TIAM1: variants seen among roughly 807,000 people sequenced by gnomAD.
The protein encoded by TIAM1 is TIAM Rac1 associated GEF 1.
In TIAM1, 65 loss-of-function variants were observed where a neutral mutation model predicts 163.5. That is an observed-to-expected ratio of 0.40 (90% CI 0.33 to 0.49). The LOEUF is 0.49. Among genes scored for constraint, TIAM1 ranks in the 20% least tolerant of loss-of-function variants. The pLI is 0.77. For missense variants in TIAM1, 1,789 were observed against 2,044.7 expected, an observed-to-expected ratio of 0.87 and a Z score of 2.41; for synonymous variants, 833 against 810.1, an observed-to-expected ratio of 1.03 and a Z score of -0.48.
chr21:31,198,645 T>C (rs890056426), intron 12 of TIAM1, among the ~76,000 whole-genome samples: 5 of 152,354 alleles, frequency 3.3e-5, no homozygotes, highest in Admixed American at 1.3e-4. Flanking sequence ...TTACTTTTAT[T>C]TTTTAAAACT....
chr21:31,362,559 C>T (rs574510287), intron 2 of TIAM1, among the ~76,000 whole-genome samples: 3 of 151,816 alleles, frequency 2.0e-5, no homozygotes, highest in East Asian at 3.9e-4. Context: ...ATCTAGCTCC[C>T]GGGTTCAAGC....
intron 16 of TIAM1, chr21:31,160,770 G>T: frequency 2.8e-6 from 1 of 352,210 alleles, no homozygotes; most frequent in Non-Finnish European, 5.1e-6. Flanking sequence ...GTGCCCTCTG[G>T]GAAGCTGTCA....
chr21:31,159,016 C>G (rs1024734098), intron 16 of TIAM1, among the ~76,000 whole-genome samples: 1 of 152,072 alleles, frequency 6.6e-6, no homozygotes, highest in Non-Finnish European at 1.5e-5. Context: ...AGCCAAGTAT[C>G]CTGGATGTGG....
intron 8 of TIAM1, among the ~76,000 whole-genome samples, chr21:31,221,936 A>C (rs2087586244): frequency 6.6e-6 from 1 of 152,214 alleles, no homozygotes; most frequent in Non-Finnish European, 1.5e-5. Flanking sequence ...AAGTTTATTC[A>C]ACACAGCACT....
chr21:31,485,028 T>C (rs573762272), intron 1 of TIAM1, among the ~76,000 whole-genome samples: 1 of 152,342 alleles, frequency 6.6e-6, no homozygotes, highest in South Asian at 2.1e-4. Flanking sequence ...TGCCAGTGCC[T>C]TGATCTTGGA....
chr21:31,514,355 C>T (rs1364504643), intron 1 of TIAM1, among the ~76,000 whole-genome samples: 1 of 151,986 alleles, frequency 6.6e-6, no homozygotes, highest in Non-Finnish European at 1.5e-5. Flanking sequence ...CCACCAATTG[C>T]TCAGGGCCAG....
At chr21:31,525,277 G>A (rs1712236340) in intron 1 of TIAM1, among the ~76,000 whole-genome samples, 1 of 151,598 alleles carries the variant, frequency 6.6e-6, no homozygotes, top group South Asian at 2.1e-4. Context: ...GCTGAGGCAG[G>A]AGAATCACTT....
rs1049769904 is a variant in TIAM1, at chr21:31,392,211, C to A, written c.-368-52789G>T. ...TGTAAGTTGATGAGCATCTGTACTC[C>A]CATTCTCAGAAGCCATGAAAACACG... is the stretch of plus-strand genomic sequence containing the variant. On this transcript the variant is annotated intron_variant, in intron 2 of 28. Transcript: ENST00000286827. Among the ~76,000 whole-genome samples, 4 of 152,078 alleles carry A rather than the reference C, an allele frequency of 2.6e-5. No individual in the cohort carries two copies. In the South Asian group the frequency reaches 6.2e-4, roughly 24 times the overall value.
At chr21:31,300,529 C>T (rs2074456966) in intron 2 of TIAM1, among the ~76,000 whole-genome samples, 1 of 152,178 alleles carries the variant, frequency 6.6e-6, no homozygotes, top group Non-Finnish European at 1.5e-5. Context: ...ATGGGGGCAT[C>T]CTGAACCCCT....
At chr21:31,286,735 A>G (rs774355490) in intron 2 of TIAM1, among the ~76,000 whole-genome samples, 11 of 152,088 alleles carry the variant, frequency 7.2e-5, no homozygotes, top group Non-Finnish European at 1.6e-4. Flanking sequence ...GTGTGTGTGC[A>G]TTTATTTATT....
intron 2 of TIAM1, among the ~76,000 whole-genome samples, chr21:31,310,097 GAAGT>G (rs2074867223): frequency 1.3e-5 from 2 of 152,196 alleles, no homozygotes; most frequent in South Asian, 4.1e-4. Context: ...TTTCACCTGG[GAAGT>G]AAGGAAATGT....
chr21:31,130,151 A>G, intron 25 of TIAM1, 62 bp downstream of exon 25: 1 of 1,468,824 alleles, frequency 6.8e-7, no homozygotes. Flanking sequence ...GGATTCAAAC[A>G]AATAATTCCT....
intron 3 of TIAM1, among the ~76,000 whole-genome samples, chr21:31,267,860 T>C (rs997526427): frequency 6.6e-6 from 1 of 152,200 alleles, no homozygotes; most frequent in Non-Finnish European, 1.5e-5. Context: ...GAAATTCACA[T>C]TGTGAAACCA....
rs1047159719 is a variant in TIAM1, at chr21:31,439,964, T to C, written c.-369+24019A>G. Among the ~76,000 whole-genome samples the C allele has an allele frequency of 3.9e-5, 6 of 152,196 alleles. No homozygotes were observed. The East Asian group carries it at 7.7e-4, about 20-fold the overall frequency. ...AACCATGGATGGCTGATGCTTCCGA[T>C]TGTCAATAGGGTCTTGATCACCGGC... On this transcript the variant is annotated intron_variant, in intron 2 of 28. Transcript: ENST00000286827.
intron 2 of TIAM1, among the ~76,000 whole-genome samples, chr21:31,286,165 T>G (rs2073801781): frequency 6.6e-6 from 1 of 152,248 alleles, no homozygotes; most frequent in South Asian, 2.1e-4. Flanking sequence ...CCTTGATATG[T>G]GTTTAGGTAG....
chr21:31,317,038 C>T (rs1180806612), intron 2 of TIAM1, among the ~76,000 whole-genome samples: 1 of 152,214 alleles, frequency 6.6e-6, no homozygotes, highest in Non-Finnish European at 1.5e-5. Flanking sequence ...CTTTTGGTCT[C>T]CACTTGCTGA....
chr21:31,269,758 A>G (rs1280393496), intron 3 of TIAM1, among the ~76,000 whole-genome samples: 4 of 140,888 alleles, frequency 2.8e-5, no homozygotes, highest in African/African-American at 2.7e-5. Context: ...TGCAAGCTCC[A>G]CCTCCCAGGT....
chr21:31,172,520 T>G (rs2084561972), intron 15 of TIAM1, among the ~76,000 whole-genome samples: 1 of 152,070 alleles, frequency 6.6e-6, no homozygotes, highest in Non-Finnish European at 1.5e-5. Context: ...AAGCTGAAGA[T>G]AAGGCTCAGT....
chr21:31,243,588 A>T (rs1423675701), intron 6 of TIAM1, among the ~76,000 whole-genome samples: 1 of 152,170 alleles, frequency 6.6e-6, no homozygotes, highest in Non-Finnish European at 1.5e-5. Flanking sequence ...ATATATACAC[A>T]TTGTATTTTG....
Sources: gnomAD v4.1 joint callset for allele counts (sites outside exome capture counted in the v4.1 genomes callset) on GRCh38, gnomAD v4.1.1 for gene constraint, MANE v1.5 for transcripts, NCBI Gene and HGNC (gene_info 2026-07-23, HGNC 2026-07-21) for gene names.